ELMO1: variants seen among roughly 807,000 people sequenced by gnomAD.
ELMO1 encodes engulfment and cell motility protein 1.
ELMO1 carries 26 observed loss-of-function variants against 98.9 expected under a neutral mutation model. The observed-to-expected ratio is 0.26, with a 90% CI of 0.19 to 0.36. The LOEUF (loss-of-function observed/expected upper bound fraction) is 0.36. Among genes scored for constraint, ELMO1 ranks in the 10% least tolerant of loss-of-function variants. The pLI is 1.00. For synonymous variants in ELMO1, 346 were observed against 346.0 expected (o/e 1.00, Z 0.00); for missense variants, 627 against 935.2 (o/e 0.67, Z 4.30).
chr7:37,309,947 T>C (rs1307960465), intron 4 of ELMO1, among the ~76,000 whole-genome samples: 1 of 152,254 alleles, frequency 6.6e-6, no homozygotes, highest in African/African-American at 2.4e-5. Flanking sequence ...AACTGAATTC[T>C]GCAAAATAGT....
intron 13 of ELMO1, among the ~76,000 whole-genome samples, chr7:37,162,027 G>A (rs1789257110): frequency 6.8e-6 from 1 of 146,514 alleles, no homozygotes; most frequent in Admixed American, 7.0e-5. Flanking sequence ...GGAAGGAAAG[G>A]AGGGAGAAAA....
chr7:36,942,896 G>T (rs1455927440), intron 16 of ELMO1, among the ~76,000 whole-genome samples: 1 of 152,184 alleles, frequency 6.6e-6, no homozygotes, highest in African/African-American at 2.4e-5. Context: ...GAGAAGAAAA[G>T]ATGTCCAAGG....
At chr7:37,382,429 G>A (rs559396357) in intron 1 of ELMO1, among the ~76,000 whole-genome samples, 2 of 152,126 alleles carry the variant, frequency 1.3e-5, no homozygotes, top group South Asian at 2.1e-4. Context: ...TCAAAAATAC[G>A]CCACTTTGGC....
At chr7:37,351,906 G>A (rs1801286739) in intron 1 of ELMO1, among the ~76,000 whole-genome samples, 2 of 152,218 alleles carry the variant, frequency 1.3e-5, no homozygotes, top group African/African-American at 4.8e-5. Flanking sequence ...CCTAGGGCCT[G>A]CCTTTCCTCT....
At chr7:37,199,807 GAAGA>G (rs1315011290) in intron 13 of ELMO1, among the ~76,000 whole-genome samples, 1 of 152,180 alleles carries the variant, frequency 6.6e-6, no homozygotes, top group Admixed American at 6.5e-5. Context: ...GTGGATCACA[GAAGA>G]AAGATCTGCA....
chr7:37,230,791 ATCTTCAG>A (rs1794129739), intron 8 of ELMO1, among the ~76,000 whole-genome samples: 1 of 152,198 alleles, frequency 6.6e-6, no homozygotes, highest in African/African-American at 2.4e-5. Flanking sequence ...GATACTCACT[ATCTTCAG>A]ATTTGGAATT....
At chr7:36,989,834 G>A (rs989455737) in intron 16 of ELMO1, among the ~76,000 whole-genome samples, 5 of 152,112 alleles carry the variant, frequency 3.3e-5, no homozygotes, top group African/African-American at 1.2e-4. Context: ...CAGCAATAAG[G>A]TAGGAAGACT....
In ELMO1 at chr7:36,857,330, A is replaced by G. The variant is rs552271528; in HGVS notation, c.1984-1579T>C. Among the ~76,000 whole-genome samples, 22 of 152,278 alleles carry G rather than the reference A, an allele frequency of 1.4e-4. No individual in the cohort carries two copies. The South Asian group carries it at 4.1e-3, about 29-fold the overall frequency. ...TAGACACCTAGCTCCTACCTTGGAGATCCTGATCATGTAGATCTAGGGTGA... is the reference window on the plus strand; with the variant it reads ...TAGACACCTAGCTCCTACCTTGGAGGTCCTGATCATGTAGATCTAGGGTGA... On this transcript the variant is annotated intron_variant, in intron 21 of 21. Transcript: ENST00000310758.
At chr7:36,966,418 T>G (rs1417777749) in intron 16 of ELMO1, among the ~76,000 whole-genome samples, 2 of 152,234 alleles carry the variant, frequency 1.3e-5, no homozygotes, top group Admixed American at 1.3e-4. Flanking sequence ...AAACTTGGCC[T>G]GTATCTACTG....
intron 13 of ELMO1, among the ~76,000 whole-genome samples, chr7:37,192,814 A>G (rs957246595): frequency 7.0e-6 from 1 of 143,606 alleles, no homozygotes; most frequent in Non-Finnish European, 1.5e-5. Flanking sequence ...AAAAAAAAAA[A>G]TGTGTGTGTG....
chr7:36,920,383 G>T (rs1036519115), intron 16 of ELMO1, among the ~76,000 whole-genome samples: 21 of 152,200 alleles, frequency 1.4e-4, no homozygotes, highest in African/African-American at 5.1e-4. Context: ...TAAATATGAA[G>T]TCCAAACATA....
chr7:36,992,517 A>G (rs1015468039), intron 16 of ELMO1, among the ~76,000 whole-genome samples: 1 of 152,246 alleles, frequency 6.6e-6, no homozygotes, highest in African/African-American at 2.4e-5. Flanking sequence ...GGAAAAATGA[A>G]AATGCCAAAA....
At chr7:37,374,691 C>A (rs551586467) in intron 1 of ELMO1, among the ~76,000 whole-genome samples, 1 of 152,058 alleles carries the variant, frequency 6.6e-6, no homozygotes, top group African/African-American at 2.4e-5. Flanking sequence ...CCGGAGGTTG[C>A]AGTGAGCCAA....
chr7:37,256,539 GA>G, intron 6 of ELMO1, among the ~76,000 whole-genome samples: 2 of 116,860 alleles, frequency 1.7e-5, no homozygotes, highest in African/African-American at 7.6e-5. Flanking sequence ...AGGAAGGAAG[GA>G]AAGAAGGAAG....
chr7:37,133,223 G>A lies in ELMO1; in HGVS notation c.1098C>T (p.Asn366=), dbSNP rs749757861. The A allele has an allele frequency of 1.1e-5, 18 of 1,609,568 alleles. No individual in the cohort carries two copies. The East Asian group carries it at 4.0e-4, about 36-fold the overall frequency. ...GAGTCTGCGTGAAGTCCATGGCAGG[G>A]TTGACATGATTCTGTGAGTAAAACA... ...YKKLGFINHV[N]PAMDFTQTPP... Residue 366 remains asparagine, a synonymous_variant, in exon 14 of 22, where the codon AAC becomes AAT. Transcript: ENST00000310758.
rs188430504 is a variant in ELMO1, at chr7:37,140,729, T to C, written c.1087-7495A>G. Among the ~76,000 whole-genome samples, 73 of 151,958 alleles carry C rather than the reference T, an allele frequency of 4.8e-4. 1 individual carries two copies. The highest frequency in any genetic ancestry group is 1.7e-3 in the African/African-American group (71 of 41,438). ...CCAAAAAGTGGGCTAAGAACATGAA[T>C]AGACAATTCTCAACAAAAGATACAC... On this transcript the variant is annotated intron_variant, in intron 13 of 21. Transcript: ENST00000310758.
At chr7:36,899,885 G>A (rs1322289807) in intron 16 of ELMO1, among the ~76,000 whole-genome samples, 1 of 151,812 alleles carries the variant, frequency 6.6e-6, no homozygotes, top group Admixed American at 6.6e-5. Context: ...AAAATCTAAA[G>A]AAAATATTAT....
intron 7 of ELMO1, among the ~76,000 whole-genome samples, chr7:37,243,892 C>A (rs1257019504): frequency 6.6e-6 from 1 of 152,166 alleles, no homozygotes; most frequent in Non-Finnish European, 1.5e-5. Context: ...GGTGATCGAG[C>A]ACTTTCTCAG....
At chr7:37,182,435 G>T (rs1191933503) in intron 13 of ELMO1, among the ~76,000 whole-genome samples, 1 of 146,638 alleles carries the variant, frequency 6.8e-6, no homozygotes, top group Non-Finnish European at 1.5e-5. Context: ...GACAACATAG[G>T]AAGATCATGA....
Sources: allele counts gnomAD v4.1 joint callset (sites outside exome capture counted in the v4.1 genomes callset), GRCh38; gene constraint gnomAD v4.1.1; transcripts MANE v1.5; gene names NCBI Gene and HGNC (gene_info 2026-07-23, HGNC 2026-07-21).